PSMD14: variants seen among roughly 807,000 people sequenced by gnomAD.
PSMD14 encodes the protein proteasome 26S subunit, non-ATPase 14.
A neutral mutation model predicts 41.2 loss-of-function variants in PSMD14; 7 were observed. That is an observed-to-expected ratio of 0.17 (90% CI 0.10 to 0.32). The LOEUF is 0.32. Among genes scored for constraint, PSMD14 ranks in the 10% least tolerant of loss-of-function variants. The pLI, the probability that PSMD14 is intolerant of heterozygous loss-of-function variation, is 1.00. For missense variants in PSMD14, 139 were observed against 375.6 expected (o/e 0.37, Z 5.21); for synonymous variants, 114 against 122.3 (o/e 0.93, Z 0.45).
At chr2:161,331,712 A>G (rs888807152) in intron 3 of PSMD14, among the ~76,000 whole-genome samples, 3 of 152,220 alleles carry the variant, frequency 2.0e-5, no homozygotes, top group Non-Finnish European at 1.5e-5. Context: ...GTATGGATCT[A>G]TAAAGAGAAC....
intron 3 of PSMD14, among the ~76,000 whole-genome samples, chr2:161,354,502 C>G (rs1683166272): frequency 3.8e-5 from 1 of 26,372 alleles, no homozygotes; most frequent in Non-Finnish European, 7.2e-5. Context: ...GAGCATTGTG[C>G]TTGGTCCTTG....
At chr2:161,387,239 C>A (rs1018903173) in intron 8 of PSMD14, among the ~76,000 whole-genome samples, 2 of 151,978 alleles carry the variant, frequency 1.3e-5, no homozygotes, top group African/African-American at 4.8e-5. Flanking sequence ...CAAAGCCACA[C>A]CTTAATACAC....
chr2:161,389,406 A>C (rs1339380947), intron 8 of PSMD14, among the ~76,000 whole-genome samples: 2 of 152,176 alleles, frequency 1.3e-5, no homozygotes, highest in Non-Finnish European at 2.9e-5. Flanking sequence ...CACGAATATG[A>C]GCACAGATTA....
At chr2:161,383,224 C>T (rs957464190) in intron 7 of PSMD14, 1 of 151,772 alleles carries the variant, frequency 6.6e-6, no homozygotes, top group Non-Finnish European at 1.5e-5. Flanking sequence ...GACTATATTG[C>T]CATGTTTATA....
intron 3 of PSMD14, among the ~76,000 whole-genome samples, chr2:161,366,787 T>C (rs919678444): frequency 3.9e-5 from 6 of 152,192 alleles, no homozygotes; most frequent in African/African-American, 1.4e-4. Context: ...AGAAGTTTGC[T>C]TCCTTTCAGG....
At chr2:161,406,968 A>G (rs1251596371) in intron 10 of PSMD14, among the ~76,000 whole-genome samples, 1 of 152,044 alleles carries the variant, frequency 6.6e-6, no homozygotes, top group African/African-American at 2.4e-5. Context: ...GTTGTTTGCA[A>G]TATTCCGCAA....
At chr2:161,326,888 T>A (rs1362109751) in intron 3 of PSMD14, among the ~76,000 whole-genome samples, 1 of 152,220 alleles carries the variant, frequency 6.6e-6, no homozygotes, top group Non-Finnish European at 1.5e-5. Flanking sequence ...TAAATATATA[T>A]AAAACATTTT....
intron 6 of PSMD14, among the ~76,000 whole-genome samples, chr2:161,370,879 A>G (rs1387971617): frequency 2.0e-5 from 3 of 152,180 alleles, no homozygotes; most frequent in Admixed American, 6.5e-5. Flanking sequence ...TTGAATGCTG[A>G]AAGGGTAAAA....
chr2:161,385,761 G>A (rs1431052958), intron 8 of PSMD14, among the ~76,000 whole-genome samples, 190 bp downstream of exon 8: 5 of 151,472 alleles, frequency 3.3e-5, no homozygotes, highest in African/African-American at 1.2e-4. Flanking sequence ...GTTTTTAATG[G>A]GGTCTTTAAA....
intron 3 of PSMD14, among the ~76,000 whole-genome samples, chr2:161,343,219 T>C (rs1456421947): frequency 1.3e-5 from 2 of 152,212 alleles, no homozygotes; most frequent in African/African-American, 4.8e-5. Flanking sequence ...ACCATAATAC[T>C]TCATCTTCCA....
chr2:161,352,652 T>G (rs1228124307), intron 3 of PSMD14, among the ~76,000 whole-genome samples: 1 of 152,178 alleles, frequency 6.6e-6, no homozygotes, highest in Non-Finnish European at 1.5e-5. Context: ...TTCCTTTTTT[T>G]CAAATAGTCG....
At chr2:161,404,070 T>A (rs1389727800) in intron 10 of PSMD14, among the ~76,000 whole-genome samples, 1 of 151,678 alleles carries the variant, frequency 6.6e-6, no homozygotes, top group Non-Finnish European at 1.5e-5. Context: ...TATGCCTGGC[T>A]ATTTTTTTTT....
intron 3 of PSMD14, among the ~76,000 whole-genome samples, chr2:161,349,613 TC>T (rs1164977279): frequency 6.6e-6 from 1 of 152,196 alleles, no homozygotes; most frequent in South Asian, 2.1e-4. Flanking sequence ...CTGACCTAGA[TC>T]CTATGTGAAG....
At chr2:161,327,634 A>G (rs1002668873) in intron 3 of PSMD14, among the ~76,000 whole-genome samples, 2 of 152,138 alleles carry the variant, frequency 1.3e-5, no homozygotes, top group Admixed American at 6.5e-5. Context: ...ATTACTAATT[A>G]TTATCCCCAA....
chr2:161,389,453 C>T (rs1457891813), intron 8 of PSMD14, among the ~76,000 whole-genome samples: 1 of 152,126 alleles, frequency 6.6e-6, no homozygotes, highest in Non-Finnish European at 1.5e-5. Flanking sequence ...TTGATCTGTA[C>T]AGTATAGCAT....
Position 161,318,813 on chromosome 2 carries a change from G to A in PSMD14, c.-4-9G>A, listed in dbSNP as rs545063308. 6.2e-7 allele frequency: 1 copy of A among 1,611,756 alleles called. No homozygotes were observed. Among genetic ancestry groups the A allele is most frequent in the Non-Finnish European group, 8.5e-7 (1 of 1,178,578 alleles). The stretch of plus-strand genomic sequence containing the variant: ...TTAGGAACGTTTTTTCTTTGTTTCT[G>A]TTTTCTAGAAATATGGACAGACTTC... On this transcript the variant is annotated splice_polypyrimidine_tract_variant and intron_variant, in intron 2 of 11. Coordinates refer to ENST00000409682, the MANE Select transcript of PSMD14 (RefSeq NM_005805.6).
At chr2:161,407,123 T>G (rs908235882) in intron 10 of PSMD14, among the ~76,000 whole-genome samples, 9 of 152,128 alleles carry the variant, frequency 5.9e-5, no homozygotes, top group Non-Finnish European at 1.3e-4. Context: ...TACAAACTTA[T>G]GTGAATTGTT....
At chr2:161,343,839 AAAAT>A (rs1683001934) in intron 3 of PSMD14, among the ~76,000 whole-genome samples, 1 of 152,140 alleles carries the variant, frequency 6.6e-6, no homozygotes, top group Non-Finnish European at 1.5e-5. Flanking sequence ...AAAAAAAAAA[AAAAT>A]GTCTTTGAGT....
intron 8 of PSMD14, among the ~76,000 whole-genome samples, chr2:161,387,749 C>G (rs1683652841): frequency 6.6e-6 from 1 of 151,810 alleles, no homozygotes; most frequent in Non-Finnish European, 1.5e-5. Flanking sequence ...ATTTTTTTGT[C>G]TTTCCTTGTC....
Sources: allele counts gnomAD v4.1 joint callset (sites outside exome capture counted in the v4.1 genomes callset), GRCh38; gene constraint gnomAD v4.1.1; transcripts MANE v1.5; gene names NCBI Gene and HGNC (gene_info 2026-07-23, HGNC 2026-07-21).